Variants in ZBTB44 observed in about 807,000 individuals in gnomAD.
ZBTB44 encodes the protein zinc finger and BTB domain containing 44.
ZBTB44 carries 15 observed loss-of-function variants against 54.0 expected under a neutral mutation model. The ratio of observed to expected loss-of-function variants is 0.28; its 90% CI spans 0.19 to 0.43. The LOEUF is 0.43. Ranked by LOEUF, ZBTB44 falls within the 20% of genes least tolerant of loss-of-function variation. The pLI, the probability that ZBTB44 is intolerant of heterozygous loss-of-function variation, is 1.00. For missense variants in ZBTB44, 487 were observed against 707.1 expected (o/e 0.69, Z 3.53); for synonymous variants, 230 against 250.1 (o/e 0.92, Z 0.76).
chr11:130,283,878 G>A (rs370436419), intron 1 of ZBTB44, among the ~76,000 whole-genome samples: 6 of 150,260 alleles, frequency 4.0e-5, no homozygotes, highest in Non-Finnish European at 8.9e-5. Flanking sequence ...GCTGAGGCAG[G>A]AGAATCTCCT....
chr11:130,307,626 T>C (rs563282212), intron 1 of ZBTB44, among the ~76,000 whole-genome samples: 5 of 152,252 alleles, frequency 3.3e-5, no homozygotes, highest in South Asian at 4.2e-4. Flanking sequence ...CCCTCAATGA[T>C]AGACCACAAA....
intron 1 of ZBTB44, among the ~76,000 whole-genome samples, chr11:130,305,874 T>C (rs1942237840): frequency 6.6e-6 from 1 of 151,938 alleles, no homozygotes; most frequent in Admixed American, 6.6e-5. Context: ...ATCCAGAATC[T>C]ACAAGGAATA....
At chr11:130,288,754 A>G (rs1941125911) in intron 1 of ZBTB44, among the ~76,000 whole-genome samples, 1 of 151,566 alleles carries the variant, frequency 6.6e-6, no homozygotes, top group Non-Finnish European at 1.5e-5. Context: ...AAAATTATCC[A>G]GGCATGGTGA....
chr11:130,243,665 T>C (rs1032997934), intron 2 of ZBTB44, among the ~76,000 whole-genome samples: 1 of 152,196 alleles, frequency 6.6e-6, no homozygotes, highest in African/African-American at 2.4e-5. Flanking sequence ...CCACAGTATA[T>C]ACTTAGGAAT....
chr11:130,307,724 T>TAA (rs1942357428), intron 1 of ZBTB44, among the ~76,000 whole-genome samples: 1 of 152,080 alleles, frequency 6.6e-6, no homozygotes, highest in African/African-American at 2.4e-5. Context: ...AGTGGTGCAA[T>TAA]CTGGGCTCAC....
chr11:130,236,613 G>A (rs780786311), intron 5 of ZBTB44, 180 bp downstream of exon 5: 24 of 537,332 alleles, frequency 4.5e-5, no homozygotes, highest in Admixed American at 8.2e-5. Flanking sequence ...TTTTATATAC[G>A]TAGAAGACTC....
intron 1 of ZBTB44, among the ~76,000 whole-genome samples, chr11:130,289,294 C>T (rs1167845802): frequency 6.6e-6 from 1 of 151,950 alleles, no homozygotes; most frequent in South Asian, 2.1e-4. Context: ...ACTAGCCTGG[C>T]CAACATGGTG....
intron 1 of ZBTB44, among the ~76,000 whole-genome samples, chr11:130,300,587 G>C (rs903694224): frequency 2.0e-5 from 3 of 152,160 alleles, no homozygotes; most frequent in Non-Finnish European, 4.4e-5. Context: ...CTGTGAAAGA[G>C]ATAGATACAC....
At chr11:130,293,907 T>TGA (rs1941467278) in intron 1 of ZBTB44, among the ~76,000 whole-genome samples, 1 of 152,176 alleles carries the variant, frequency 6.6e-6, no homozygotes, top group African/African-American at 2.4e-5. Context: ...AGTTCAGAGA[T>TGA]TTGAAAAAGT....
At chr11:130,262,939 T>TA (rs1367120579) in intron 1 of ZBTB44, among the ~76,000 whole-genome samples, 1 of 152,208 alleles carries the variant, frequency 6.6e-6, no homozygotes, top group Non-Finnish European at 1.5e-5. Context: ...CATGGGCCTG[T>TA]AGTCCCAGCT....
chr11:130,236,629 A>G, intron 5 of ZBTB44, 164 bp downstream of exon 5: 1 of 701,784 alleles, frequency 1.4e-6, no homozygotes. Flanking sequence ...GACTCAGCAA[A>G]ATTTTATCAG....
At chr11:130,311,770 G>C (rs967876912) in intron 1 of ZBTB44, among the ~76,000 whole-genome samples, 3 of 152,100 alleles carry the variant, frequency 2.0e-5, no homozygotes, top group Non-Finnish European at 4.4e-5. Flanking sequence ...AGACTCCCTG[G>C]ATAAACAGCT....
At chr11:130,277,007 T>C (rs773247602) in intron 1 of ZBTB44, among the ~76,000 whole-genome samples, 3 of 152,244 alleles carry the variant, frequency 2.0e-5, no homozygotes, top group Admixed American at 2.0e-4. Context: ...TCCATCCTTT[T>C]ACTTTCAATC....
intron 1 of ZBTB44, among the ~76,000 whole-genome samples, chr11:130,293,393 G>C (rs1267702062): frequency 6.6e-6 from 1 of 150,958 alleles, no homozygotes; most frequent in Non-Finnish European, 1.5e-5. Context: ...AGGATCACTT[G>C]AGCCTGGGAG....
intron 2 of ZBTB44, among the ~76,000 whole-genome samples, chr11:130,258,803 CA>C (rs1938630917): frequency 6.6e-6 from 1 of 152,104 alleles, no homozygotes; most frequent in South Asian, 2.1e-4. Flanking sequence ...ATGAAACCAA[CA>C]AAGTAAAGAT....
chr11:130,246,413 A>T (rs914585893), intron 2 of ZBTB44, among the ~76,000 whole-genome samples: 5 of 152,178 alleles, frequency 3.3e-5, no homozygotes, highest in African/African-American at 1.2e-4. Context: ...AGTGGTAGTG[A>T]GGCTAAGAAT....
At chr11:130,285,185 C>T in intron 1 of ZBTB44, 1 of 168,808 alleles carries the variant, frequency 5.9e-6, no homozygotes, top group Non-Finnish European at 1.4e-5. Flanking sequence ...AGTCTCTTTA[C>T]TAAGGAGTTT....
intron 2 of ZBTB44, among the ~76,000 whole-genome samples, chr11:130,240,689 C>A (rs1284782502): frequency 6.6e-6 from 1 of 152,208 alleles, no homozygotes; most frequent in Non-Finnish European, 1.5e-5. Context: ...TGATCATAAA[C>A]CCCTCCCTTC....
intron 2 of ZBTB44, among the ~76,000 whole-genome samples, chr11:130,240,309 G>T (rs1453270217): frequency 6.6e-6 from 1 of 151,866 alleles, no homozygotes; most frequent in Non-Finnish European, 1.5e-5. Flanking sequence ...CAAAGTGCTG[G>T]GATTACAGGC....
Sources: gnomAD v4.1 joint callset for allele counts (sites outside exome capture counted in the v4.1 genomes callset) on GRCh38, gnomAD v4.1.1 for gene constraint, MANE v1.5 for transcripts, NCBI Gene and HGNC (gene_info 2026-07-23, HGNC 2026-07-21) for gene names.